Variants in FTO observed in about 807,000 individuals in gnomAD.
The protein encoded by FTO is FTO alpha-ketoglutarate dependent dioxygenase.
A neutral mutation model predicts 63.9 loss-of-function variants in FTO; 47 were observed. The observed-to-expected ratio is 0.74, with a 90% confidence interval of 0.58 to 0.94. The LOEUF is 0.94. Ranked by LOEUF, FTO falls within the 40% of genes least tolerant of loss-of-function variation. The pLI is 0.00. For missense variants in FTO, 562 were observed against 618.1 expected (o/e 0.91, Z 0.96); for synonymous variants, 207 against 224.4 (o/e 0.92, Z 0.69).
At chr16:53,893,675 A>G (rs1478649048) in intron 7 of FTO, among the ~76,000 whole-genome samples, 11 of 149,630 alleles carry the variant, frequency 7.4e-5, no homozygotes, top group Non-Finnish European at 7.6e-5. Flanking sequence ...AAAAAAAAAA[A>G]GGTCAATTTG....
intron 1 of FTO, 39 bp downstream of exon 1, chr16:53,704,268 T>C (rs777107366): frequency 1.3e-6 from 2 of 1,547,218 alleles, no homozygotes; most frequent in South Asian, 2.4e-5. Flanking sequence ...CTTCGTGCGC[T>C]GTGAGCAAGG....
intron 8 of FTO, among the ~76,000 whole-genome samples, chr16:53,978,064 G>C (rs1263640982): frequency 2.0e-5 from 3 of 152,082 alleles, no homozygotes; most frequent in Non-Finnish European, 4.4e-5. Context: ...GGGTCTCACT[G>C]TATTGCCCAG....
chr16:53,719,764 GCTTA>G (rs1209486286), intron 1 of FTO, among the ~76,000 whole-genome samples: 3 of 150,960 alleles, frequency 2.0e-5, no homozygotes, highest in African/African-American at 4.9e-5. Context: ...TGAGATGAAT[GCTTA>G]CTTATTCATT....
chr16:53,740,529 T>G (rs1023726267), intron 1 of FTO, among the ~76,000 whole-genome samples: 8 of 152,216 alleles, frequency 5.3e-5, no homozygotes, highest in African/African-American at 1.9e-4. Flanking sequence ...GCTCAGTGTG[T>G]CATAATCTTA....
chr16:53,913,175 A>G (rs1228242240), intron 7 of FTO, among the ~76,000 whole-genome samples: 1 of 152,172 alleles, frequency 6.6e-6, no homozygotes, highest in Admixed American at 6.5e-5. Context: ...AGTTTTTATC[A>G]TCTCCCTTAG....
chr16:53,739,371 G>T (rs1229498939), intron 1 of FTO, among the ~76,000 whole-genome samples: 3 of 137,224 alleles, frequency 2.2e-5, no homozygotes, highest in Admixed American at 7.3e-5. Context: ...ACACCTGGCT[G>T]TTTTTTTTTT....
chr16:53,909,468 A>G (rs1391703388), intron 7 of FTO, among the ~76,000 whole-genome samples: 1 of 151,442 alleles, frequency 6.6e-6, no homozygotes, highest in East Asian at 1.9e-4. Context: ...TGTGCCTTGA[A>G]AGGTGAATTA....
chr16:53,873,243 A>C (rs1282107045), intron 4 of FTO, among the ~76,000 whole-genome samples: 1 of 152,166 alleles, frequency 6.6e-6, no homozygotes, highest in Non-Finnish European at 1.5e-5. Flanking sequence ...AAAGTGAAAG[A>C]AGCTCAATTC....
intron 1 of FTO, among the ~76,000 whole-genome samples, chr16:53,783,604 T>TATC (rs397716766): frequency 0.042 from 2,886 of 68,124 alleles, 266 homozygotes; most frequent in South Asian, 0.1. Context: ...CAAGACTCCA[T>TATC]AAAAAAAAAA....
chr16:53,725,607 C>T (rs1285396676), intron 1 of FTO, among the ~76,000 whole-genome samples: 1 of 152,152 alleles, frequency 6.6e-6, no homozygotes, highest in African/African-American at 2.4e-5. Context: ...TAGAAACTAG[C>T]TATATTCTTG....
At chr16:54,061,159 A>G (rs1212080505) in intron 8 of FTO, among the ~76,000 whole-genome samples, 3 of 152,234 alleles carry the variant, frequency 2.0e-5, no homozygotes, top group Non-Finnish European at 4.4e-5. Flanking sequence ...GGAAGGACAC[A>G]CAAAGAAACA....
chr16:53,929,988 A>G (rs988997240), intron 7 of FTO, among the ~76,000 whole-genome samples: 1 of 152,172 alleles, frequency 6.6e-6, no homozygotes, highest in Non-Finnish European at 1.5e-5. Flanking sequence ...GACTCTGCAC[A>G]TGAGGACCAC....
intron 7 of FTO, among the ~76,000 whole-genome samples, chr16:53,927,364 T>C (rs939117115): frequency 6.6e-6 from 1 of 152,174 alleles, no homozygotes; most frequent in African/African-American, 2.4e-5. Flanking sequence ...GTCACCACTC[T>C]AGGGAAATAC....
chr16:54,006,675 A>G (rs1282556733), intron 8 of FTO, among the ~76,000 whole-genome samples: 1 of 152,250 alleles, frequency 6.6e-6, no homozygotes, highest in Non-Finnish European at 1.5e-5. Context: ...CCACTAGTAG[A>G]TAAAGAGAGA....
rs2075704512 is a variant in FTO, at chr16:53,709,138, T to G, written c.45+4909T>G. Among the ~76,000 whole-genome samples, 3 of 152,220 alleles carry G rather than the reference T, an allele frequency of 2.0e-5. No homozygotes were observed. In the South Asian group the frequency reaches 6.2e-4, roughly 32 times the overall value. Reference sequence around the variant, plus strand: ...CATAATGGGCACTTAGTTTTTATTTTTCTTTTCTCTTTGAAATAACTTAGA... The same window carrying G: ...CATAATGGGCACTTAGTTTTTATTTGTCTTTTCTCTTTGAAATAACTTAGA... On this transcript the variant is annotated intron_variant, in intron 1 of 8. Coordinates refer to ENST00000471389, the MANE Select transcript of FTO (RefSeq NM_001080432.3).
At chr16:53,976,078 A>G (rs1490079796) in intron 8 of FTO, among the ~76,000 whole-genome samples, 1 of 152,116 alleles carries the variant, frequency 6.6e-6, no homozygotes, top group African/African-American at 2.4e-5. Flanking sequence ...GTAAAAATTT[A>G]ATGATGTCTT....
chr16:54,100,890 C>T (rs12445828), intron 8 of FTO, among the ~76,000 whole-genome samples: 27,284 of 152,044 alleles, frequency 0.18, 2,550 homozygotes, highest in Admixed American at 0.21. Context: ...ATCCCGCACA[C>T]TGTAGCAGTA....
chr16:53,760,208 GTGTGT>G (rs1567962659), intron 1 of FTO, among the ~76,000 whole-genome samples: 12 of 13,450 alleles, frequency 8.9e-4, no homozygotes, highest in South Asian at 4.2e-3. Flanking sequence ...CAGCTTTGGT[GTGTGT>G]GTGTGTGTGT....
chr16:53,727,605 G>C (rs1189737202), intron 1 of FTO, among the ~76,000 whole-genome samples: 9 of 152,144 alleles, frequency 5.9e-5, no homozygotes, highest in Admixed American at 4.6e-4. Context: ...GGTTTGAAAA[G>C]CATCTTGAAG....
Sources: gnomAD v4.1 joint callset for allele counts (sites outside exome capture counted in the v4.1 genomes callset) on GRCh38, gnomAD v4.1.1 for gene constraint, MANE v1.5 for transcripts, NCBI Gene and HGNC (gene_info 2026-07-23, HGNC 2026-07-21) for gene names.